Variants in ZC3H6 observed in about 807,000 individuals in gnomAD.
ZC3H6 encodes the protein zinc finger CCCH-type containing 6.
A neutral mutation model predicts 107.7 loss-of-function variants in ZC3H6; 40 were observed. The observed-to-expected ratio is 0.37, with a 90% CI of 0.29 to 0.48. ZC3H6 has a LOEUF of 0.48. ZC3H6 is among the 20% of genes least tolerant of loss of function. The probability of loss-of-function intolerance (pLI) is 0.98; values close to 1 mark genes in which losing one functional copy is unlikely to be tolerated. For missense variants in ZC3H6, 1,267 were observed against 1,410.4 expected, an observed-to-expected ratio of 0.90 and a Z score of 1.63; for synonymous variants, 493 against 487.9, an observed-to-expected ratio of 1.01 and a Z score of -0.14.
At chr2:112,299,049 A>G (rs1026176165) in intron 1 of ZC3H6, among the ~76,000 whole-genome samples, 1 of 152,094 alleles carries the variant, frequency 6.6e-6, no homozygotes, top group African/African-American at 2.4e-5. Flanking sequence ...AGGCCGAGGC[A>G]GGCAGATCAC....
At chr2:112,277,296 A>G (rs1165965434) in intron 1 of ZC3H6, among the ~76,000 whole-genome samples, 1 of 152,188 alleles carries the variant, frequency 6.6e-6, no homozygotes, top group Non-Finnish European at 1.5e-5. Flanking sequence ...TATCTTTTGT[A>G]TTAAAAAGGA....
chr2:112,325,996 A>G (rs995731101), intron 11 of ZC3H6, among the ~76,000 whole-genome samples: 3 of 152,052 alleles, frequency 2.0e-5, no homozygotes, highest in African/African-American at 7.2e-5. Flanking sequence ...ATGAAAAACT[A>G]TGTAAAACTA....
chr2:112,320,449 A>G (rs946616719), intron 7 of ZC3H6, among the ~76,000 whole-genome samples: 13 of 152,128 alleles, frequency 8.5e-5, no homozygotes, highest in Non-Finnish European at 1.2e-4. Flanking sequence ...CTGCTTCTAT[A>G]CTACTCTTAT....
At chr2:112,299,276 CAA>C (rs59319982) in intron 1 of ZC3H6, among the ~76,000 whole-genome samples, 2 of 116,576 alleles carry the variant, frequency 1.7e-5, no homozygotes, top group Non-Finnish European at 3.7e-5. Context: ...GACTCCATCT[CAA>C]AAAAAAAAAA....
intron 4 of ZC3H6, among the ~76,000 whole-genome samples, chr2:112,310,698 T>TGAA (rs1169701174): frequency 6.6e-6 from 1 of 152,156 alleles, no homozygotes; most frequent in East Asian, 1.9e-4. Flanking sequence ...TGACAATAAG[T>TGAA]GAAGAAACTA....
chr2:112,286,060 A>G, intron 1 of ZC3H6: 1 of 275,656 alleles, frequency 3.6e-6, no homozygotes, highest in Non-Finnish European at 7.3e-6. Context: ...GCCAGACTTA[A>G]TATGACAGGT....
At chr2:112,278,132 A>T (rs1277491415) in intron 1 of ZC3H6, among the ~76,000 whole-genome samples, 2 of 152,198 alleles carry the variant, frequency 1.3e-5, no homozygotes. Flanking sequence ...GGTATTTTTC[A>T]TAGGCTCCCT....
intron 1 of ZC3H6, among the ~76,000 whole-genome samples, 196 bp downstream of exon 1, chr2:112,276,222 C>A (rs969673966): frequency 6.7e-6 from 1 of 148,418 alleles, no homozygotes; most frequent in Admixed American, 6.7e-5. Context: ...CCCGCCTCCC[C>A]GAGCCGGGGT....
rs2104686565 is a variant in ZC3H6, at chr2:112,275,686, G to A, written c.-309G>A. ...CCACTGTCCAAATCCCCGCGTCGCT[G>A]CACGCCGCCCGCCCGCTCCCACGCC... On this transcript the variant is annotated 5_prime_UTR_variant, in exon 1 of 12. Coordinates refer to ENST00000409871, the MANE Select transcript of ZC3H6 (RefSeq NM_198581.3). 2.4e-6 allele frequency: 1 copy of A among 416,608 alleles called. No homozygotes were observed. The highest frequency in any genetic ancestry group is 3.5e-5 in the East Asian group (1 of 28,172). The allele number at this position is 416,608 out of a possible 1,614,324, so 25.8% of individuals were successfully genotyped here. A position where few individuals can be genotyped will look rare whatever the true frequency, so the allele number is the denominator to read the frequency against.
rs186225246 is a variant in ZC3H6 at position 112,339,210 on chromosome 2, T to C, written c.*6722T>C. On this transcript the variant is annotated 3_prime_UTR_variant, in exon 12 of 12. Coordinates refer to ENST00000409871, the MANE Select transcript of ZC3H6 (RefSeq NM_198581.3). ...CACCTGGCCTAGACTATACCTTTTA[T>C]ACACTTTTTAAATAGAGAAAGTGAA... is the stretch of plus-strand genomic sequence containing the variant. The C allele has an allele frequency of 6.6e-6, 1 of 152,216 alleles. No individual in the cohort carries two copies. Among genetic ancestry groups the C allele is most frequent in the Admixed American group, 6.5e-5 (1 of 15,300 alleles). 9.4% of individuals were successfully genotyped at this position (152,216 alleles called of 1,614,324 possible).
At chr2:112,289,270 T>G (rs1271925729) in intron 1 of ZC3H6, among the ~76,000 whole-genome samples, 1 of 151,194 alleles carries the variant, frequency 6.6e-6, no homozygotes, top group Non-Finnish European at 1.5e-5. Flanking sequence ...AGTGCTAGGG[T>G]TACAGGCATG....
In ZC3H6 at chr2:112,338,442, T is replaced by A. The variant is rs1677171127; in HGVS notation, c.*5954T>A. 1 of 152,220 alleles carries A rather than the reference T, an allele frequency of 6.6e-6. No homozygotes were observed. The highest frequency in any genetic ancestry group is 1.5e-5 in the Non-Finnish European group (1 of 68,026). The allele number at this position is 152,220 out of a possible 1,614,324, so 9.4% of individuals were successfully genotyped here. Reference sequence around the variant, plus strand: ...TGGAATAGAACAATCATGCTACTGTTAGCAAAATTATTGTAGGCATAAGGA... The same window carrying A: ...TGGAATAGAACAATCATGCTACTGTAAGCAAAATTATTGTAGGCATAAGGA... On this transcript the variant is annotated 3_prime_UTR_variant, in exon 12 of 12. Coordinates refer to ENST00000409871, the MANE Select transcript of ZC3H6 (RefSeq NM_198581.3).
chr2:112,336,976 A>G lies in ZC3H6; in HGVS notation c.*4488A>G, dbSNP rs1379713804. Reference sequence around the variant, plus strand: ...TGATGGCTTCCTGACATCCATCCAAATGTCACTTTTACAGATGCTGTCACC... The same window carrying G: ...TGATGGCTTCCTGACATCCATCCAAGTGTCACTTTTACAGATGCTGTCACC... On this transcript the variant is annotated 3_prime_UTR_variant, in exon 12 of 12. Transcript: ENST00000409871. 6.6e-6 allele frequency: 1 copy of G among 152,118 alleles called. No individual in the cohort carries two copies. The highest frequency in any genetic ancestry group is 2.4e-5 in the African/African-American group (1 of 41,438). The allele number at this position is 152,118 out of a possible 1,614,324, so 9.4% of individuals were successfully genotyped here.
chr2:112,316,522 A>G lies in ZC3H6; in HGVS notation c.800A>G (p.Gln267Arg). The G allele has an allele frequency of 6.2e-7, 1 of 1,610,776 alleles. No homozygotes were observed. The highest frequency in any genetic ancestry group is 8.5e-7 in the Non-Finnish European group (1 of 1,178,830). The change falls in exon 6 of 12, where the codon CAG (glutamine) becomes CGG (arginine). Residue 267 changes from glutamine to arginine, a missense_variant. Physicochemically the swap from Gln to Arg is conservative, Grantham distance 43. Transcript: ENST00000409871. ...GTTATGACTCAGGAATTTATTAATC[A>G]GCACACAGTGGAACACAAAGGAAAA... is the stretch of plus-strand genomic sequence containing the variant. Reference protein sequence around the residue: ...WKVMTQEFINQHTVEHKGKQI... With the variant: ...WKVMTQEFINRHTVEHKGKQI...
chr2:112,315,407 C>T (rs1411343954), intron 5 of ZC3H6, among the ~76,000 whole-genome samples: 1 of 151,868 alleles, frequency 6.6e-6, no homozygotes, highest in Non-Finnish European at 1.5e-5. Flanking sequence ...TTTGTTTGCC[C>T]TTTTTTTCCC....
rs1307680614 is a variant in ZC3H6, at chr2:112,334,526, T to C, written c.*2038T>C. ...TTTATTAAAGAGTCAGGTTTAAAAG[T>C]TATTAATGCAAATTATGTAATGTTC... On this transcript the variant is annotated 3_prime_UTR_variant, in exon 12 of 12. Coordinates refer to ENST00000409871, the MANE Select transcript of ZC3H6 (RefSeq NM_198581.3). The C allele has an allele frequency of 2.0e-5, 3 of 152,162 alleles. No homozygotes were observed. The highest frequency in any genetic ancestry group is 1.5e-5 in the Non-Finnish European group (1 of 67,976). 9.4% of individuals were successfully genotyped at this position (152,162 alleles called of 1,614,324 possible).
chr2:112,331,849 C>T lies in ZC3H6; in HGVS notation c.2931C>T (p.Pro977=), dbSNP rs771192995. The T allele has an allele frequency of 2.0e-5, 33 of 1,613,716 alleles. No individual in the cohort carries two copies. Among genetic ancestry groups the T allele is most frequent in the Non-Finnish European group, 2.8e-5 (33 of 1,179,874 alleles). ...KNFDPRLHRL[P]NTESHQVVMK... ...TTGATCCTAGGCTTCACAGACTGCC[C>T]AATACAGAGTCTCATCAAGTGGTTA... Residue 977 remains proline, a synonymous_variant, in exon 12 of 12, where the codon CCC becomes CCT. Transcript: ENST00000409871.
chr2:112,293,651 A>G (rs998253140), intron 1 of ZC3H6, among the ~76,000 whole-genome samples: 1 of 152,210 alleles, frequency 6.6e-6, no homozygotes, highest in African/African-American at 2.4e-5. Flanking sequence ...TTGAGGAGAA[A>G]TACTAGTTTG....
intron 1 of ZC3H6, among the ~76,000 whole-genome samples, chr2:112,292,482 C>G (rs756114057): frequency 2.0e-5 from 3 of 152,158 alleles, no homozygotes; most frequent in Non-Finnish European, 2.9e-5. Context: ...ATAACTAGAA[C>G]GATGATAAGG....
Sources: allele counts gnomAD v4.1 joint callset (sites outside exome capture counted in the v4.1 genomes callset), GRCh38; gene constraint gnomAD v4.1.1; transcripts MANE v1.5; gene names NCBI Gene and HGNC (gene_info 2026-07-23, HGNC 2026-07-21).